PATJ: variants seen among roughly 807,000 people sequenced by gnomAD.
PATJ encodes the protein inaD-like protein.
In PATJ, 190 loss-of-function variants were observed where a neutral mutation model predicts 224.9. The observed-to-expected ratio is 0.84, with a 90% confidence interval of 0.75 to 0.95. The LOEUF is 0.95. Among genes scored for constraint, PATJ ranks in the 40% least tolerant of loss-of-function variants. The pLI is 0.00. For missense variants in PATJ, 2,121 were observed against 2,270.3 expected, an observed-to-expected ratio of 0.93 and a Z score of 1.34; for synonymous variants, 769 against 820.3, an observed-to-expected ratio of 0.94 and a Z score of 1.07.
intron 27 of PATJ, among the ~76,000 whole-genome samples, chr1:61,931,108 C>T (rs74619786): frequency 2.8e-3 from 426 of 152,282 alleles, no homozygotes; most frequent in African/African-American, 9.7e-3. Context: ...GGATTATAGG[C>T]GTGAGCCATC....
rs535863190 is a variant in PATJ at position 61,960,953 on chromosome 1, T to C, written c.3671-29215T>C. On this transcript the variant is annotated intron_variant, in intron 27 of 43. Transcript: ENST00000642238. ...TCTTGTAAATATATTCAGACACTCA[T>C]ATGGGAAGGAAAGGGACTGTCCATT... 2.0e-5 allele frequency among the ~76,000 whole-genome samples: 3 copies of C among 152,244 alleles called. No homozygotes were observed. The East Asian group carries it at 5.8e-4, about 29-fold the overall frequency.
intron 31 of PATJ, among the ~76,000 whole-genome samples, chr1:62,052,860 C>T (rs892178564): frequency 6.6e-6 from 1 of 152,100 alleles, no homozygotes; most frequent in Non-Finnish European, 1.5e-5. Context: ...AATTTCAAAC[C>T]GAAAGCCCCT....
At position 61,882,679 on chromosome 1, in the gene PATJ, C is replaced by T. The variant is rs188856097; in HGVS notation, c.2960-1558C>T. Among the ~76,000 whole-genome samples the T allele has an allele frequency of 4.2e-4, 64 of 152,194 alleles. No homozygotes were observed. In the East Asian group the frequency reaches 8.3e-3, roughly 20 times the overall value. On this transcript the variant is annotated intron_variant, in intron 21 of 43. Transcript: ENST00000642238. ...CACTCCTCACTGTGATCATCCTCAC[C>T]GACTCTAGTGATCCTCCTGCCTCAG...
chr1:62,006,569 T>C (rs1646108593), intron 28 of PATJ, among the ~76,000 whole-genome samples: 1 of 152,210 alleles, frequency 6.6e-6, no homozygotes, highest in Non-Finnish European at 1.5e-5. Flanking sequence ...AACAAAAGGA[T>C]TTGAATTCAT....
intron 4 of PATJ, among the ~76,000 whole-genome samples, chr1:61,766,935 A>G (rs1277364705): frequency 2.0e-4 from 31 of 152,176 alleles, no homozygotes; most frequent in Admixed American, 2.0e-3. Flanking sequence ...TCTACTAAAA[A>G]TAGAAAAATT....
intron 28 of PATJ, among the ~76,000 whole-genome samples, chr1:61,995,757 T>C (rs1645315188): frequency 6.6e-6 from 1 of 152,240 alleles, no homozygotes; most frequent in Admixed American, 6.5e-5. Flanking sequence ...ATAATCACCA[T>C]GTGGACTGGA....
chr1:61,772,949 A>C (rs1646701340), intron 6 of PATJ, among the ~76,000 whole-genome samples: 1 of 152,224 alleles, frequency 6.6e-6, no homozygotes, highest in Admixed American at 6.5e-5. Flanking sequence ...TGGTATTGTC[A>C]GGCACATTAT....
In PATJ at chr1:62,148,346, C is replaced by T; in HGVS notation, c.5334C>T (p.Tyr1778=). The change falls in exon 42 of 44, where the codon TAC becomes TAT. Residue 1778 remains tyrosine (Y), a synonymous_variant. Transcript: ENST00000642238. Reference sequence around the variant, plus strand: ...AGCTTGAAAACATGTCTACAGGCTACCACCTTGGTTCGCCCACTGCTGAAC... The same window carrying T: ...AGCTTGAAAACATGTCTACAGGCTATCACCTTGGTTCGCCCACTGCTGAAC... The part of the protein sequence containing the change: ...AAQLENMSTG[Y]HLGSPTAEHH... The T allele has an allele frequency of 6.2e-7, 1 of 1,613,942 alleles. No individual in the cohort carries two copies.
rs536779797 is a variant in PATJ, at chr1:62,153,431, G to C, written c.5452G>C (p.Gly1818Arg). 8.1e-7 allele frequency: 1 copy of C among 1,231,126 alleles called. No individual in the cohort carries two copies. The highest frequency in any genetic ancestry group is 4.1e-5 in the South Asian group (1 of 24,306). The allele number at this position is 1,231,126 out of a possible 1,614,324, so 76.3% of individuals were successfully genotyped here. A position where few individuals can be genotyped will look rare whatever the true frequency, so the allele number is the denominator to read the frequency against. ...GGGGTTTAGTATTGTAGGGGGTTAT[G>C]GAAGTCCCCATGGAGACCTGCCAAT... ...GLGFSIVGGY[G>R]SPHGDLPIYV... The change falls in exon 43 of 44, where the codon GGA (glycine) becomes CGA (arginine). Residue 1818 changes from glycine to arginine, a missense_variant. Coordinates refer to ENST00000642238, the MANE Select transcript of PATJ (RefSeq NM_001350145.3).
rs529794620 is a variant in PATJ, at chr1:62,122,167, G to A, written c.5006-854G>A. On this transcript the variant is annotated intron_variant, in intron 38 of 43. Coordinates refer to ENST00000642238, the MANE Select transcript of PATJ (RefSeq NM_001350145.3). ...ATCACCTGAGGTCAGGAGTTTGAGA[G>A]CAGCCTGGCCAACATGGAGAAACCT... is the stretch of plus-strand genomic sequence containing the variant. Among the ~76,000 whole-genome samples the A allele has an allele frequency of 3.5e-4, 53 of 150,592 alleles. 2 individuals are homozygous for A. The South Asian group carries it at 5.1e-3, about 14-fold the overall frequency.
chr1:61,770,860 T>A (rs1367403191), intron 5 of PATJ, among the ~76,000 whole-genome samples: 1 of 141,182 alleles, frequency 7.1e-6, no homozygotes, highest in Non-Finnish European at 1.6e-5. Flanking sequence ...CAGTGAGGTG[T>A]GATTGTGCCA....
At chr1:61,784,741 C>T (rs186140966) in intron 7 of PATJ, among the ~76,000 whole-genome samples, 6 of 152,312 alleles carry the variant, frequency 3.9e-5, no homozygotes, top group Admixed American at 2.0e-4. Context: ...TATTTTTCAT[C>T]AGCACCACTG....
In PATJ at chr1:61,763,142, T is replaced by G; in HGVS notation, c.152T>G (p.Leu51Arg). Residue 51 changes from leucine (L) to arginine (R), a missense_variant, in exon 3 of 44, where the codon CTC becomes CGC. Leu to Arg is a moderately radical substitution (Grantham distance 102, BLOSUM62 -2). Coordinates refer to ENST00000642238, the MANE Select transcript of PATJ (RefSeq NM_001350145.3). Reference sequence around the variant, plus strand: ...AAGAGTCCTCTCTTCAACCAGATACTCACACTTCAGCAGTCCATCAAGCAA... The same window carrying G: ...AAGAGTCCTCTCTTCAACCAGATACGCACACTTCAGCAGTCCATCAAGCAA... ...TLKSPLFNQI[L>R]TLQQSIKQLK... The G allele has an allele frequency of 6.2e-7, 1 of 1,605,394 alleles. No individual in the cohort carries two copies.
chr1:61,743,569 G>A (rs1040426574), intron 1 of PATJ, among the ~76,000 whole-genome samples: 3 of 152,222 alleles, frequency 2.0e-5, no homozygotes, highest in Non-Finnish European at 2.9e-5. Flanking sequence ...CGGTTCCACT[G>A]AGGATGATAC....
At position 62,079,515 on chromosome 1, in the gene PATJ, A is replaced by G; in HGVS notation, c.4191A>G (p.Pro1397=). 6.2e-7 allele frequency: 1 copy of G among 1,613,976 alleles called. No individual in the cohort carries two copies. The highest frequency in any genetic ancestry group is 8.5e-7 in the Non-Finnish European group (1 of 1,179,812). The part of the protein sequence containing the change: ...TKVSFSSQEI[P]LAPASSYHST... ...TCTCCTTCAGTTCACAAGAGATACC[A>G]TTAGCACCAGCTTCATCATACCATT... Residue 1397 remains proline (P), a synonymous_variant, in exon 32 of 44, where the codon CCA becomes CCG. Coordinates refer to ENST00000642238, the MANE Select transcript of PATJ (RefSeq NM_001350145.3).
At chr1:61,903,107 C>T (rs148797382) in intron 24 of PATJ, among the ~76,000 whole-genome samples, 230 of 152,232 alleles carry the variant, frequency 1.5e-3, no homozygotes, top group Non-Finnish European at 2.3e-3. Flanking sequence ...CTGCTCTGAA[C>T]GCAGCGGAGA....
At chr1:62,033,050 G>A (rs561558188) in intron 29 of PATJ, among the ~76,000 whole-genome samples, 53 of 152,202 alleles carry the variant, frequency 3.5e-4, no homozygotes, top group Non-Finnish European at 3.7e-4. Context: ...TGACACGTGG[G>A]GATTATGGGG....
At chr1:62,034,104 C>T (rs1479260293) in intron 29 of PATJ, among the ~76,000 whole-genome samples, 1 of 152,152 alleles carries the variant, frequency 6.6e-6, no homozygotes, top group African/African-American at 2.4e-5. Flanking sequence ...TGACTGTGTT[C>T]TCTTTGAGGC....
chr1:62,112,416 G>T (rs994763984), intron 34 of PATJ, among the ~76,000 whole-genome samples: 1 of 152,194 alleles, frequency 6.6e-6, no homozygotes, highest in Non-Finnish European at 1.5e-5. Flanking sequence ...TGAGTCTGGA[G>T]AATTGCTTGA....
Sources: gnomAD v4.1 joint callset for allele counts (sites outside exome capture counted in the v4.1 genomes callset) on GRCh38, gnomAD v4.1.1 for gene constraint, MANE v1.5 for transcripts, NCBI Gene and HGNC (gene_info 2026-07-23, HGNC 2026-07-21) for gene names.